The following TRDMT1 variants were observed in gnomAD, a reference collection of about 807,000 sequenced individuals.
The protein encoded by TRDMT1 is tRNA (cytosine(38)-C(5))-methyltransferase.
A neutral mutation model predicts 51.2 loss-of-function variants in TRDMT1; 49 were observed. That is an observed-to-expected ratio of 0.96 (90% confidence interval 0.76 to 1.21). The LOEUF (loss-of-function observed/expected upper bound fraction) is 1.21, where lower values mean the gene tolerates loss of function less well. Among genes scored for constraint, TRDMT1 ranks in the 50% most tolerant of loss-of-function variants. TRDMT1 has a pLI of 0.00. For missense variants in TRDMT1, 534 were observed against 462.3 expected, an observed-to-expected ratio of 1.16 and a Z score of -1.42; for synonymous variants, 187 against 164.6, an observed-to-expected ratio of 1.14 and a Z score of -1.04.
intron 3 of TRDMT1, among the ~76,000 whole-genome samples, chr10:17,165,674 GA>G (rs1409460254): frequency 7.3e-6 from 1 of 136,168 alleles, no homozygotes; most frequent in Non-Finnish European, 1.6e-5. Context: ...AAATTTACAA[GA>G]AAAAAACAAA....
intron 1 of TRDMT1, among the ~76,000 whole-genome samples, chr10:17,200,051 T>C (rs548926924): frequency 1.3e-5 from 2 of 152,370 alleles, no homozygotes; most frequent in Middle Eastern, 3.4e-3. Context: ...CTATCCTCTC[T>C]CTCAAAAGCC....
chr10:17,153,746 A>T (rs1199626178), intron 9 of TRDMT1, 110 bp from the exon 10 acceptor site: 1 of 1,144,410 alleles, frequency 8.7e-7, no homozygotes, highest in Non-Finnish European at 1.2e-6. Flanking sequence ...TGTAACACAC[A>T]GTGGCAAAGT....
At position 17,162,239 on chromosome 10, in the gene TRDMT1, T is replaced by C. The variant is rs768512484; in HGVS notation, c.252-2A>G. Reference sequence around the variant, plus strand: ...GTCATATCACCCTGCCGGCCAATCCTAAAGGGGTAAAAAAAAAAAAAAACA... The same window carrying C: ...GTCATATCACCCTGCCGGCCAATCCCAAAGGGGTAAAAAAAAAAAAAAACA... On this transcript the variant is annotated splice_acceptor_variant, in intron 3 of 10. Transcript: ENST00000377799. LOFTEE classifies it high-confidence loss of function. 1 of 1,478,988 alleles carries C rather than the reference T, an allele frequency of 6.8e-7. No homozygotes were observed. The allele number at this position is 1,478,988 out of a possible 1,614,324, so 91.6% of individuals were successfully genotyped here.
chr10:17,173,777 T>C (rs868642124), intron 2 of TRDMT1, among the ~76,000 whole-genome samples: 16 of 144,470 alleles, frequency 1.1e-4, no homozygotes, highest in African/African-American at 3.0e-4. Context: ...AATTTCTTTT[T>C]TTTTTTTTTT....
chr10:17,171,262 A>AG (rs778576042), intron 2 of TRDMT1, among the ~76,000 whole-genome samples: 2 of 151,962 alleles, frequency 1.3e-5, no homozygotes, highest in Admixed American at 6.6e-5. Flanking sequence ...TTCTCTGCCA[A>AG]GGCCTCCTTG....
At position 17,139,279 on chromosome 10, in the gene TRDMT1, A is replaced by C. The variant is rs1376936194; in HGVS notation, c.*9761T>G. ...CAAGGCGGTGAAGTTAAATATTTAG[A>C]CACCATTCATACGATAATCAAAGGA... On this transcript the variant is annotated 3_prime_UTR_variant, in exon 11 of 11. Transcript: ENST00000377799. 57 of 871,836 alleles carry C rather than the reference A, an allele frequency of 6.5e-5. No individual in the cohort carries two copies. Among genetic ancestry groups the C allele is most frequent in the Non-Finnish European group, 7.6e-5 (55 of 726,248 alleles). 54.0% of individuals were successfully genotyped at this position (871,836 alleles called of 1,614,324 possible).
At position 17,138,177 on chromosome 10, in the gene TRDMT1, C is replaced by T. The variant is rs553154081; in HGVS notation, c.*10863G>A. Among the ~76,000 whole-genome samples the T allele has an allele frequency of 1.3e-4, 20 of 152,136 alleles. No homozygotes were observed. Among genetic ancestry groups the T allele is most frequent in the Non-Finnish European group, 2.6e-4 (18 of 68,028 alleles). ...ATTACATGTTATAGCTTCAATCTGGCTTTTGTGCTTTTTTTAGTCCCTTTT... is the reference window on the plus strand; with the variant it reads ...ATTACATGTTATAGCTTCAATCTGGTTTTTGTGCTTTTTTTAGTCCCTTTT... On this transcript the variant is annotated 3_prime_UTR_variant, in exon 11 of 11. Coordinates refer to ENST00000377799, the MANE Select transcript of TRDMT1 (RefSeq NM_004412.7).
At chr10:17,149,293 CAA>C (rs933122439) in intron 10 of TRDMT1, among the ~76,000 whole-genome samples, 153 bp from the exon 11 acceptor site, 1 of 151,936 alleles carries the variant, frequency 6.6e-6, no homozygotes, top group Non-Finnish European at 1.5e-5. Context: ...AATTTGGAGC[CAA>C]AAATATTCTA....
Position 17,142,964 on chromosome 10 carries a change from T to C in TRDMT1, c.*6076A>G, listed in dbSNP as rs1158750058. On this transcript the variant is annotated 3_prime_UTR_variant, in exon 11 of 11. Coordinates refer to ENST00000377799, the MANE Select transcript of TRDMT1 (RefSeq NM_004412.7). ...GGAGAAATAAATCTACACTCTCTTG[T>C]CAAGACCAGAAGTCAGAATACAGTA... 4 of 983,108 alleles carry C rather than the reference T, an allele frequency of 4.1e-6. No homozygotes were observed. The highest frequency in any genetic ancestry group is 4.8e-6 in the Non-Finnish European group (4 of 827,918). 60.9% of individuals were successfully genotyped at this position (983,108 alleles called of 1,614,324 possible).
At chr10:17,155,907 C>A (rs1261923245) in intron 8 of TRDMT1, among the ~76,000 whole-genome samples, 1 of 152,092 alleles carries the variant, frequency 6.6e-6, no homozygotes, top group Non-Finnish European at 1.5e-5. Flanking sequence ...AAAAGAATTT[C>A]AAGGTTGTTT....
In TRDMT1 at chr10:17,160,308, G is replaced by C; in HGVS notation, c.456C>G (p.Thr152=). 6.4e-7 allele frequency: 1 copy of C among 1,556,592 alleles called. No homozygotes were observed. Among genetic ancestry groups the C allele is most frequent in the Non-Finnish European group, 8.7e-7 (1 of 1,151,918 alleles). The part of the protein sequence containing the change: ...FQYQEFLLSP[T]SLGIPNSRLR... ...CATTTATAACTGTGATACCTACAGA[G>C]GTTGGAGATAATAGAAACTCTTGGT... Residue 152 remains threonine (T), a synonymous_variant, in exon 6 of 11, where the codon ACC becomes ACG. Transcript: ENST00000377799.
chr10:17,177,532 T>C (rs1444609041), intron 1 of TRDMT1, among the ~76,000 whole-genome samples: 1 of 152,050 alleles, frequency 6.6e-6, no homozygotes, highest in African/African-American at 2.4e-5. Flanking sequence ...TTTTAAAAGG[T>C]TGTCAGATTG....
At chr10:17,178,273 A>G (rs1842857701) in intron 1 of TRDMT1, among the ~76,000 whole-genome samples, 1 of 152,214 alleles carries the variant, frequency 6.6e-6, no homozygotes, top group African/African-American at 2.4e-5. Context: ...TGGCTTAGTT[A>G]GGAATAAAAG....
chr10:17,176,870 G>T (rs748887178), intron 1 of TRDMT1, among the ~76,000 whole-genome samples: 1 of 152,038 alleles, frequency 6.6e-6, no homozygotes, highest in Non-Finnish European at 1.5e-5. Context: ...TACATATATA[G>T]ATTTTGAAAA....
At chr10:17,184,208 C>T (rs917111184) in intron 1 of TRDMT1, among the ~76,000 whole-genome samples, 11 of 152,056 alleles carry the variant, frequency 7.2e-5, no homozygotes, top group Non-Finnish European at 1.0e-4. Context: ...TTTTGTTTTA[C>T]ATACATTTGT....
At chr10:17,167,086 A>C (rs560914776) in intron 3 of TRDMT1, among the ~76,000 whole-genome samples, 2 of 152,326 alleles carry the variant, frequency 1.3e-5, no homozygotes, top group Admixed American at 1.3e-4. Context: ...AAGATAATTT[A>C]AGATAACATT....
Position 17,148,723 on chromosome 10 carries a change from G to A in TRDMT1, c.*317C>T, listed in dbSNP as rs1838327357. The A allele has an allele frequency of 1.0e-6, 1 of 1,004,716 alleles. No homozygotes were observed. Among genetic ancestry groups the A allele is most frequent in the Non-Finnish European group, 1.2e-6 (1 of 842,300 alleles). 62.2% of individuals were successfully genotyped at this position (1,004,716 alleles called of 1,614,324 possible). On this transcript the variant is annotated 3_prime_UTR_variant, in exon 11 of 11. Coordinates refer to ENST00000377799, the MANE Select transcript of TRDMT1 (RefSeq NM_004412.7). ...TTATGACACTTCACAAGATACTCATGTAGACACTAAAGCTCTAGTGCTCCT... is the reference window on the plus strand; with the variant it reads ...TTATGACACTTCACAAGATACTCATATAGACACTAAAGCTCTAGTGCTCCT...
At position 17,154,794 on chromosome 10, in the gene TRDMT1, T is replaced by A. The variant is rs1470111452; in HGVS notation, c.888-60A>T. 11 of 1,413,704 alleles carry A rather than the reference T, an allele frequency of 7.8e-6. No individual in the cohort carries two copies. The East Asian group carries it at 2.1e-4, about 27-fold the overall frequency. The allele number at this position is 1,413,704 out of a possible 1,614,324, so 87.6% of individuals were successfully genotyped here. On this transcript the variant is annotated intron_variant, in intron 8 of 10. Coordinates refer to ENST00000377799, the MANE Select transcript of TRDMT1 (RefSeq NM_004412.7). ...ATGTATGTGTTAATGCTAAATTTCTTAAATATTTATTGAATGAATTAATCA... is the reference window on the plus strand; with the variant it reads ...ATGTATGTGTTAATGCTAAATTTCTAAAATATTTATTGAATGAATTAATCA...
chr10:17,168,881 C>T lies in TRDMT1; in HGVS notation c.211G>A (p.Asp71Asn), dbSNP rs371526424. ...TLEEFDRLSF[D>N]MILMSPPCQP... ...CAGGGAGGGCTCATTAAAATCATAT[C>T]AAAAGATAATCTGTCAAACTCTTCG... is the stretch of plus-strand genomic sequence containing the variant. The change falls in exon 3 of 11, where the codon GAT (aspartate) becomes AAT (asparagine). Residue 71 changes from aspartate to asparagine, a missense_variant. Asp to Asn is a conservative substitution (Grantham distance 23). Transcript: ENST00000377799. 1.9e-6 allele frequency: 3 copies of T among 1,612,484 alleles called. No homozygotes were observed. The highest frequency in any genetic ancestry group is 2.7e-5 in the African/African-American group (2 of 74,812).
Sources: allele counts gnomAD v4.1 joint callset (sites outside exome capture counted in the v4.1 genomes callset), GRCh38; gene constraint gnomAD v4.1.1; transcripts MANE v1.5; gene names NCBI Gene and HGNC (gene_info 2026-07-23, HGNC 2026-07-21).